Variants in USP24 observed in about 807,000 individuals in gnomAD.
USP24 encodes the protein ubiquitin carboxyl-terminal hydrolase 24.
A neutral mutation model predicts 361.6 loss-of-function variants in USP24; 97 were observed. That is an observed-to-expected ratio of 0.27 (90% CI 0.23 to 0.32). The LOEUF (loss-of-function observed/expected upper bound fraction) is 0.32. USP24 is among the 10% of genes least tolerant of loss of function. USP24 has a pLI of 1.00. For synonymous variants in USP24, 1,098 were observed against 1,124.6 expected, an observed-to-expected ratio of 0.98 and a Z score of 0.47; for missense variants, 2,353 against 3,165.6, an observed-to-expected ratio of 0.74 and a Z score of 6.16.
intron 32 of USP24, among the ~76,000 whole-genome samples, chr1:55,129,214 C>T (rs937371854): frequency 1.3e-5 from 2 of 152,162 alleles, no homozygotes; most frequent in Non-Finnish European, 2.9e-5. Flanking sequence ...ACAGATACAG[C>T]CTCCTGGCTT....
chr1:55,188,736 A>G (rs537358336), intron 1 of USP24, among the ~76,000 whole-genome samples: 2 of 152,156 alleles, frequency 1.3e-5, no homozygotes, highest in African/African-American at 4.8e-5. Flanking sequence ...AGGCAGGTGG[A>G]TTGCCTGAGA....
chr1:55,073,238 TA>T (rs142132826), intron 64 of USP24, among the ~76,000 whole-genome samples: 15 of 149,534 alleles, frequency 1.0e-4, no homozygotes, highest in Middle Eastern at 3.4e-3. Flanking sequence ...TCACCACAAT[TA>T]AAAAAAAAAG....
intron 7 of USP24, 135 bp downstream of exon 7, chr1:55,165,750 C>T (rs1159459846): frequency 3.0e-5 from 18 of 598,996 alleles, no homozygotes; most frequent in African/African-American, 9.6e-5. Flanking sequence ...TTATCAGGAC[C>T]GTGGAATCTG....
At chr1:55,099,722 C>T in intron 45 of USP24, 49 bp downstream of exon 45, 1 of 1,324,098 alleles carries the variant, frequency 7.6e-7, no homozygotes, top group Admixed American at 2.1e-5. Context: ...TATTCTCATA[C>T]TATAATTAGA....
chr1:55,176,248 T>C, intron 3 of USP24, 128 bp downstream of exon 3: 1 of 628,256 alleles, frequency 1.6e-6, no homozygotes, highest in Non-Finnish European at 2.6e-6. Flanking sequence ...AGAGGATTCC[T>C]CAGTTAAACA....
chr1:55,215,039 C>G lies in USP24; in HGVS notation c.75G>C (p.Lys25Asn). Residue 25 changes from lysine (K) to asparagine (N), a missense_variant, in exon 1 of 68, where the codon AAG (lysine) becomes AAC (asparagine). Physicochemically the swap from Lys to Asn is moderately conservative, Grantham distance 94. Coordinates refer to ENST00000294383, the MANE Select transcript of USP24 (RefSeq NM_015306.3). Reference protein sequence around the residue: ...MGFSDPATIRKALRLAKNDIN... With the variant: ...MGFSDPATIRNALRLAKNDIN... Reference sequence around the variant, plus strand: ...TGTCGTTCTTGGCCAGGCGCAGGGCCTTGCGGATGGTGGCGGGGTCTGAGA... The same window carrying G: ...TGTCGTTCTTGGCCAGGCGCAGGGCGTTGCGGATGGTGGCGGGGTCTGAGA... The G allele has an allele frequency of 6.8e-7, 1 of 1,473,338 alleles. No individual in the cohort carries two copies. The highest frequency in any genetic ancestry group is 9.0e-7 in the Non-Finnish European group (1 of 1,110,406). 91.3% of individuals were successfully genotyped at this position (1,473,338 alleles called of 1,614,324 possible).
chr1:55,141,705 G>A lies in USP24; in HGVS notation c.2661C>T (p.Pro887=). 6.2e-7 allele frequency: 1 copy of A among 1,610,132 alleles called. No homozygotes were observed. The highest frequency in any genetic ancestry group is 8.5e-7 in the Non-Finnish European group (1 of 1,178,148). The change falls in exon 24 of 68, where the codon CCC becomes CCT. Residue 887 remains proline, a synonymous_variant. Coordinates refer to ENST00000294383, the MANE Select transcript of USP24 (RefSeq NM_015306.3). The part of the protein sequence containing the change: ...LEAASSALGG[P]TLTHAVTRAT... ...CTCTGGTCACAGCATGTGTTAGAGT[G>A]GGGCCACCAAGTGCTGAACTGGCTG...
intron 28 of USP24, 69 bp downstream of exon 28, chr1:55,137,446 G>C (rs1646769771): frequency 6.6e-7 from 1 of 1,506,506 alleles, no homozygotes; most frequent in South Asian, 1.3e-5. Context: ...ATACAGTTTG[G>C]AAGAGTCAGA....
At chr1:55,082,899 A>T (rs1351630741) in intron 58 of USP24, among the ~76,000 whole-genome samples, 1 of 152,176 alleles carries the variant, frequency 6.6e-6, no homozygotes, top group East Asian at 1.9e-4. Context: ...ACAACTTTGC[A>T]TTTGGATTCT....
At chr1:55,198,488 T>C (rs181765934) in intron 1 of USP24, among the ~76,000 whole-genome samples, 1 of 152,340 alleles carries the variant, frequency 6.6e-6, no homozygotes, top group Non-Finnish European at 1.5e-5. Context: ...TTAGACAGGG[T>C]TTCTTAACCT....
Position 55,097,675 on chromosome 1 carries a change from C to A in USP24, c.5638G>T (p.Val1880Phe), listed in dbSNP as rs780083902. 24 of 1,586,636 alleles carry A rather than the reference C, an allele frequency of 1.5e-5. No individual in the cohort carries two copies. The highest frequency in any genetic ancestry group is 3.6e-5 in the Admixed American group (2 of 56,282). Residue 1880 changes from valine (V) to phenylalanine (F), a missense_variant, in exon 48 of 68, where the codon GTC (valine) becomes TTC (phenylalanine). Val to Phe is a conservative substitution (Grantham distance 50). Around this residue, in one of 8 missense-constraint regions of USP24, gnomAD observed 105 missense variants for 200.3 expected, o/e 0.52. Transcript: ENST00000294383. ...AATCTCATTAGGTGAATTACCAAGACGCTAGGTAAAGATTTAATACAGGTC... is the reference window on the plus strand; with the variant it reads ...AATCTCATTAGGTGAATTACCAAGAAGCTAGGTAAAGATTTAATACAGGTC... ...KRTCIKSLPS[V>F]LVIHLMRFGF...
chr1:55,164,552 C>CCACA (rs778974544), intron 7 of USP24, among the ~76,000 whole-genome samples: 62 of 152,178 alleles, frequency 4.1e-4, no homozygotes, highest in Non-Finnish European at 7.5e-4. Context: ...CTACAAAAGT[C>CCACA]CACACCTTTG....
Position 55,156,938 on chromosome 1 carries a change from A to T in USP24, c.1446+10T>A, listed in dbSNP as rs1181589055. Reference sequence around the variant, plus strand: ...TTAGCCAAAGGCAAAAATAATTCTGATCAACCTACCTGTATCTTCCAAATT... The same window carrying T: ...TTAGCCAAAGGCAAAAATAATTCTGTTCAACCTACCTGTATCTTCCAAATT... On this transcript the variant is annotated intron_variant, in intron 12 of 67. Coordinates refer to ENST00000294383, the MANE Select transcript of USP24 (RefSeq NM_015306.3). 6.2e-7 allele frequency: 1 copy of T among 1,601,588 alleles called. No homozygotes were observed. Among genetic ancestry groups the T allele is most frequent in the South Asian group, 1.1e-5 (1 of 90,648 alleles).
chr1:55,099,999 T>C (rs997835437), intron 44 of USP24, 130 bp from the exon 45 acceptor site: 3 of 643,600 alleles, frequency 4.7e-6, no homozygotes, highest in African/African-American at 3.7e-5. Context: ...ACATTTCTAG[T>C]GAAGTGAGAC....
At position 55,126,833 on chromosome 1, in the gene USP24, A is replaced by G. The variant is rs111595111; in HGVS notation, c.3636-1075T>C. The stretch of plus-strand genomic sequence containing the variant: ...CCTCCCCTCAGGAATTCCTTCAACC[A>G]TCCTCTGCTCATGCTTTGAGCTGGT... On this transcript the variant is annotated intron_variant, in intron 32 of 67. Coordinates refer to ENST00000294383, the MANE Select transcript of USP24 (RefSeq NM_015306.3). Among the ~76,000 whole-genome samples, 338 of 152,066 alleles carry G rather than the reference A, an allele frequency of 2.2e-3. 1 individual carries two copies. The highest frequency in any genetic ancestry group is 8.1e-3 in the African/African-American group (334 of 41,454).
chr1:55,168,559 G>GAA (rs1649130658), intron 5 of USP24, among the ~76,000 whole-genome samples: 1 of 152,106 alleles, frequency 6.6e-6, no homozygotes, highest in Non-Finnish European at 1.5e-5. Flanking sequence ...ATTTGCAGGA[G>GAA]AAAAGGACAT....
chr1:55,103,732 C>T, intron 42 of USP24, 144 bp downstream of exon 42: 4 of 831,616 alleles, frequency 4.8e-6, no homozygotes, highest in Non-Finnish European at 7.2e-6. Context: ...ATAGCTTATA[C>T]TTGATTTGAG....
At chr1:55,171,424 T>G in intron 5 of USP24, 132 bp downstream of exon 5, 88 of 1,153,886 alleles carry the variant, frequency 7.6e-5, no homozygotes, top group Non-Finnish European at 9.0e-5. Context: ...GGCAATTTTA[T>G]GAGCCAGATG....
chr1:55,083,101 A>G (rs893525232), intron 58 of USP24, among the ~76,000 whole-genome samples, 171 bp downstream of exon 58: 4 of 152,226 alleles, frequency 2.6e-5, no homozygotes, highest in Admixed American at 2.6e-4. Flanking sequence ...TTATTAGACT[A>G]AATTGTATGA....
Sources: gnomAD v4.1 joint callset for allele counts (sites outside exome capture counted in the v4.1 genomes callset) on GRCh38, gnomAD v4.1.1 for gene constraint, gnomAD v4.1.1 regional missense constraint, MANE v1.5 for transcripts, NCBI Gene and HGNC (gene_info 2026-07-23, HGNC 2026-07-21) for gene names.